The following DNAH7 variants were observed in gnomAD, a reference collection of about 807,000 sequenced individuals.
DNAH7 encodes the protein dynein axonemal heavy chain 7.
DNAH7 carries 397 observed loss-of-function variants against 444.6 expected under a neutral mutation model. That is an observed-to-expected ratio of 0.89 (90% CI 0.82 to 0.97). The LOEUF (loss-of-function observed/expected upper bound fraction) is 0.97. Ranked by LOEUF, DNAH7 falls within the 50% of genes least tolerant of loss-of-function variation. DNAH7 has a pLI of 0.00. For synonymous variants in DNAH7, 1,636 were observed against 1,624.4 expected, an observed-to-expected ratio of 1.01 and a Z score of -0.17; for missense variants, 4,902 against 4,800.8, an observed-to-expected ratio of 1.02 and a Z score of -0.62.
At chr2:196,029,120 T>C (rs1295932614) in intron 5 of DNAH7, among the ~76,000 whole-genome samples, 1 of 152,156 alleles carries the variant, frequency 6.6e-6, no homozygotes, top group South Asian at 2.1e-4. Flanking sequence ...AAAGGGTTGA[T>C]TATTCTAACT....
intron 20 of DNAH7, among the ~76,000 whole-genome samples, chr2:195,936,268 G>C (rs1380194590): frequency 6.6e-6 from 1 of 152,120 alleles, no homozygotes; most frequent in East Asian, 1.9e-4. Context: ...CAGCTACTCG[G>C]GAAGCTGAGG....
At chr2:196,006,844 T>A (rs1480828235) in intron 10 of DNAH7, among the ~76,000 whole-genome samples, 1 of 151,978 alleles carries the variant, frequency 6.6e-6, no homozygotes, top group African/African-American at 2.4e-5. Context: ...AAAATGTAAA[T>A]ACATTTTTGT....
intron 9 of DNAH7, among the ~76,000 whole-genome samples, chr2:196,014,532 A>C (rs1321613697): frequency 1.3e-5 from 2 of 152,026 alleles, no homozygotes; most frequent in Non-Finnish European, 2.9e-5. Flanking sequence ...CACAACTGTC[A>C]CTTAATGCTC....
rs889126423 is a variant in DNAH7, at chr2:195,876,573, C to T, written c.6088G>A (p.Val2030Ile). The T allele has an allele frequency of 1.2e-5, 20 of 1,613,762 alleles. No individual in the cohort carries two copies. Among genetic ancestry groups the T allele is most frequent in the Admixed American group, 1.7e-5 (1 of 59,992 alleles). The change falls in exon 37 of 65, where the codon GTT becomes ATT. Residue 2030 changes from valine (V) to isoleucine (I), a missense_variant. Physicochemically the swap from Val to Ile is conservative, Grantham distance 29. Transcript: ENST00000312428. Reference protein sequence around the residue: ...MSKLDKRRKGVFGPPLGKRMV... With the variant: ...MSKLDKRRKGIFGPPLGKRMV... ...CTCTTGCCCAAAGGAGGACCAAAAA[C>T]TCCCTTTCTTCTCTTGTCCAATTTT...
At chr2:196,050,532 A>T (rs1425623634) in intron 3 of DNAH7, among the ~76,000 whole-genome samples, 1 of 152,164 alleles carries the variant, frequency 6.6e-6, no homozygotes, top group Non-Finnish European at 1.5e-5. Context: ...AAAAAATAAT[A>T]ATATTTGCAT....
chr2:196,000,554 G>A (rs1693970360), intron 12 of DNAH7, 150 bp downstream of exon 12: 1 of 649,892 alleles, frequency 1.5e-6, no homozygotes, highest in African/African-American at 1.9e-5. Context: ...GAGGCCATTT[G>A]GAAAATGGTA....
intron 47 of DNAH7, among the ~76,000 whole-genome samples, chr2:195,843,960 G>A (rs1209886284): frequency 6.6e-6 from 1 of 151,992 alleles, no homozygotes; most frequent in African/African-American, 2.4e-5. Context: ...GCCGGGCGTG[G>A]TGGCAGGTGC....
intron 64 of DNAH7, among the ~76,000 whole-genome samples, chr2:195,740,046 C>G (rs62203619): frequency 1.3e-5 from 2 of 152,004 alleles, no homozygotes; most frequent in African/African-American, 4.8e-5. Context: ...TGCAATGGTG[C>G]GATCTAAGCT....
intron 63 of DNAH7, among the ~76,000 whole-genome samples, chr2:195,752,996 A>G (rs1289989055): frequency 6.6e-6 from 1 of 152,228 alleles, no homozygotes; most frequent in Non-Finnish European, 1.5e-5. Flanking sequence ...GATTGTAGAA[A>G]GACAATTGAA....
intron 12 of DNAH7, among the ~76,000 whole-genome samples, chr2:195,990,933 TTAAA>T (rs961257103): frequency 7.6e-5 from 11 of 145,528 alleles, no homozygotes; most frequent in South Asian, 2.1e-4. Flanking sequence ...ATATATATAC[TTAAA>T]TATATATACA....
At chr2:195,854,527 T>G (rs983182902) in intron 45 of DNAH7, among the ~76,000 whole-genome samples, 1 of 152,140 alleles carries the variant, frequency 6.6e-6, no homozygotes, top group Non-Finnish European at 1.5e-5. Context: ...TAAATTTAAT[T>G]TTTTTCCCTT....
intron 12 of DNAH7, 56 bp from the exon 13 acceptor site, chr2:195,988,285 T>C (rs1693061216): frequency 7.1e-7 from 1 of 1,403,368 alleles, no homozygotes; most frequent in Non-Finnish European, 9.6e-7. Context: ...AACTATATCA[T>C]TTATCTTTGT....
At chr2:196,065,039 T>C (rs1484137439) in intron 1 of DNAH7, among the ~76,000 whole-genome samples, 6 of 152,198 alleles carry the variant, frequency 3.9e-5, no homozygotes, top group African/African-American at 1.4e-4. Context: ...ATAAAAAAAT[T>C]TGTATTATAT....
intron 58 of DNAH7, among the ~76,000 whole-genome samples, chr2:195,782,417 G>C (rs1695432482): frequency 6.6e-6 from 1 of 152,180 alleles, no homozygotes; most frequent in South Asian, 2.1e-4. Flanking sequence ...TCATTTAATA[G>C]AAGGAACCAC....
At chr2:195,832,725 A>G (rs1476303759) in intron 48 of DNAH7, among the ~76,000 whole-genome samples, 3 of 152,194 alleles carry the variant, frequency 2.0e-5, no homozygotes, top group Non-Finnish European at 2.9e-5. Context: ...TACAGGCATG[A>G]GCCACTGTGT....
intron 10 of DNAH7, among the ~76,000 whole-genome samples, chr2:196,007,045 T>C (rs1355219110): frequency 6.6e-6 from 1 of 152,118 alleles, no homozygotes; most frequent in Non-Finnish European, 1.5e-5. Flanking sequence ...TGTAATGCAT[T>C]CCCTATTAAA....
In DNAH7 at chr2:195,840,470, T is replaced by C. The variant is rs114910079; in HGVS notation, c.8945+4532A>G. Among the ~76,000 whole-genome samples, 1,496 of 151,842 alleles carry C rather than the reference T, an allele frequency of 9.9e-3. 33 individuals are homozygous for C. Among genetic ancestry groups the C allele is most frequent in the African/African-American group, 0.034 (1,395 of 41,530 alleles). The stretch of plus-strand genomic sequence containing the variant: ...CAACAGTGTCTGATTTCATCAACCC[T>C]GTTCATCATTATACTAGAAGCCCTT... On this transcript the variant is annotated intron_variant, in intron 47 of 64. Transcript: ENST00000312428.
rs537343535 is a variant in DNAH7, at chr2:195,969,871, A to C, written c.2205+77T>G. Reference sequence around the variant, plus strand: ...ACTGTTTTATTTGAATCTACTTCTTAAAGGTGAATAACTAAAACGAATTCA... The same window carrying C: ...ACTGTTTTATTTGAATCTACTTCTTCAAGGTGAATAACTAAAACGAATTCA... On this transcript the variant is annotated intron_variant, in intron 17 of 64. Transcript: ENST00000312428. The C allele has an allele frequency of 2.1e-6, 3 of 1,425,078 alleles. No individual in the cohort carries two copies. The East Asian group carries it at 7.1e-5, about 34-fold the overall frequency. 88.3% of individuals were successfully genotyped at this position (1,425,078 alleles called of 1,614,324 possible).
chr2:196,018,145 A>G (rs531064172), intron 9 of DNAH7, among the ~76,000 whole-genome samples: 35 of 152,296 alleles, frequency 2.3e-4, no homozygotes, highest in African/African-American at 8.4e-4. Context: ...ATATAAGTAG[A>G]GAATTCATAA....
Sources: gnomAD v4.1 joint callset for allele counts (sites outside exome capture counted in the v4.1 genomes callset) on GRCh38, gnomAD v4.1.1 for gene constraint, MANE v1.5 for transcripts, NCBI Gene and HGNC (gene_info 2026-07-23, HGNC 2026-07-21) for gene names.